Variants in CARS2 observed in about 807,000 individuals in gnomAD.
CARS2 encodes the protein probable cysteine--tRNA ligase, mitochondrial.
Under a neutral mutation model 68.8 loss-of-function variants are expected in CARS2, and 52 were observed. The ratio of observed to expected loss-of-function variants is 0.76; its 90% CI spans 0.61 to 0.95. CARS2 has a LOEUF of 0.95. CARS2 is among the 40% of genes least tolerant of loss of function. The probability of loss-of-function intolerance (pLI) is 0.00; values close to 1 mark genes in which losing one functional copy is unlikely to be tolerated. For missense variants in CARS2, 780 were observed against 754.2 expected (o/e 1.03, Z -0.40); for synonymous variants, 314 against 303.6 (o/e 1.03, Z -0.36).
chr13:110,692,039 T>TAC (rs2063481107), intron 3 of CARS2, among the ~76,000 whole-genome samples: 1 of 134,894 alleles, frequency 7.4e-6, no homozygotes, highest in African/African-American at 2.8e-5. Context: ...CACACACATA[T>TAC]ATATATATAC....
chr13:110,696,400 G>A (rs1043246237), intron 3 of CARS2, among the ~76,000 whole-genome samples: 9 of 152,190 alleles, frequency 5.9e-5, no homozygotes, highest in African/African-American at 2.2e-4. Flanking sequence ...GTGTAAAAGC[G>A]TTCCTATTTC....
chr13:110,642,377 G>T lies in CARS2; in HGVS notation c.1561C>A (p.Pro521Thr), dbSNP rs767008467. The T allele has an allele frequency of 1.3e-6, 2 of 1,561,614 alleles. No individual in the cohort carries two copies. The highest frequency in any genetic ancestry group is 1.7e-6 in the Non-Finnish European group (2 of 1,152,628). The change falls in exon 14 of 15, where the codon CCC becomes ACC. Residue 521 changes from proline to threonine, a missense_variant. Transcript: ENST00000257347. ...ARRQQLLERQ[P>T]LLEACDTLRR... ...AGGGTGTCGCATGCTTCCAGCAGGG[G>T]CTGCCTTTCTAGGAGCTGCTGCCGC... is the stretch of plus-strand genomic sequence containing the variant.
chr13:110,676,363 A>T lies in CARS2; in HGVS notation c.785+611T>A, dbSNP rs1012469848. ...GCTCTACTGAGAGGCAGAAACCAGGACAGAGAGGGTGTTTCCAGAGTAGGG... is the reference window on the plus strand; with the variant it reads ...GCTCTACTGAGAGGCAGAAACCAGGTCAGAGAGGGTGTTTCCAGAGTAGGG... On this transcript the variant is annotated intron_variant, in intron 7 of 14. Transcript: ENST00000257347. This position sits in a 1 kb window ranked among gnomAD's most constrained non-coding sequence, Gnocchi z 4.0. 2.6e-5 allele frequency among the ~76,000 whole-genome samples: 4 copies of T among 152,170 alleles called. No homozygotes were observed. Among genetic ancestry groups the T allele is most frequent in the Non-Finnish European group, 4.4e-5 (3 of 68,028 alleles).
chr13:110,665,675 C>T lies in CARS2; in HGVS notation c.919+1665G>A, dbSNP rs867476973. 15 of 985,240 alleles carry T rather than the reference C, an allele frequency of 1.5e-5. No individual in the cohort carries two copies. In the African/African-American group the frequency reaches 1.9e-4, roughly 13 times the overall value. 61.0% of individuals were successfully genotyped at this position (985,240 alleles called of 1,614,324 possible). ...AAACCTGCAGACAGAAACGTGCCTG[C>T]GGAGGGAGCAACTCCAGCTCCTCAG... On this transcript the variant is annotated intron_variant, in intron 8 of 14. Transcript: ENST00000257347. This position sits in a 1 kb window ranked among gnomAD's most constrained non-coding sequence, Gnocchi z 4.3.
chr13:110,706,103 C>G lies in CARS2; in HGVS notation c.-10G>C. 7.6e-7 allele frequency: 1 copy of G among 1,310,186 alleles called. No homozygotes were observed. The highest frequency in any genetic ancestry group is 9.7e-7 in the Non-Finnish European group (1 of 1,034,140). The allele number at this position is 1,310,186 out of a possible 1,614,324, so 81.2% of individuals were successfully genotyped here. Reference sequence around the variant, plus strand: ...GCGTAGTCCTCAACATGTCAGCGGCCAGCGCCTACGACTGGGCGGAGACGG... The same window carrying G: ...GCGTAGTCCTCAACATGTCAGCGGCGAGCGCCTACGACTGGGCGGAGACGG... On this transcript the variant is annotated 5_prime_UTR_variant, in exon 1 of 15. Transcript: ENST00000257347.
intron 9 of CARS2, among the ~76,000 whole-genome samples, chr13:110,652,119 C>A (rs557863787): frequency 6.6e-6 from 1 of 152,278 alleles, no homozygotes; most frequent in African/African-American, 2.4e-5. Context: ...AGGAAGCTGT[C>A]GCTGACCTTG....
At chr13:110,648,086 A>G (rs1241341628) in intron 10 of CARS2, among the ~76,000 whole-genome samples, 7 of 152,200 alleles carry the variant, frequency 4.6e-5, no homozygotes, top group African/African-American at 1.7e-4. Context: ...GAATTCCAAA[A>G]TCAGACATGG....
intron 8 of CARS2, chr13:110,664,175 C>T (rs1388255442): frequency 1.0e-6 from 1 of 985,270 alleles, no homozygotes; most frequent in Non-Finnish European, 1.2e-6. Context: ...CTGTTTCTAA[C>T]AGAAGACTCT....
At chr13:110,693,728 C>T (rs1248235315) in intron 3 of CARS2, among the ~76,000 whole-genome samples, 10 of 152,154 alleles carry the variant, frequency 6.6e-5, no homozygotes, top group East Asian at 3.9e-4. Context: ...TTCCTCATAC[C>T]GGGGTAGTGC....
intron 3 of CARS2, among the ~76,000 whole-genome samples, chr13:110,691,653 C>T (rs2063462751): frequency 6.6e-6 from 1 of 152,130 alleles, no homozygotes; most frequent in Non-Finnish European, 1.5e-5. Context: ...TACCTCCCAC[C>T]CCTACTGATT....
In CARS2 at chr13:110,713,200, T is replaced by A. The variant is rs141699050; in HGVS notation, n.336A>T. 1,146 of 1,423,290 alleles carry A rather than the reference T, an allele frequency of 8.1e-4. 14 individuals are homozygous for A. The African/African-American group carries it at 0.015, about 18-fold the overall frequency. 88.2% of individuals were successfully genotyped at this position (1,423,290 alleles called of 1,614,324 possible). A position where few individuals can be genotyped will look rare whatever the true frequency, so the allele number is the denominator to read the frequency against. On this transcript the variant is annotated non_coding_transcript_exon_variant, in exon 1 of 3. Coordinates refer to the CARS2 transcript ENST00000485188. Reference sequence around the variant, plus strand: ...AAGTGATGTTGGCAAGTAGATTGGCTACTGCGGTTGCCAGTTCTGTTTCGG... The same window carrying A: ...AAGTGATGTTGGCAAGTAGATTGGCAACTGCGGTTGCCAGTTCTGTTTCGG...
chr13:110,677,569 C>G (rs578130793), intron 6 of CARS2, among the ~76,000 whole-genome samples: 12 of 99,002 alleles, frequency 1.2e-4, no homozygotes, highest in African/African-American at 4.7e-4. Context: ...GAAACCCAGA[C>G]AGTCACCCCC....
intron 3 of CARS2, chr13:110,688,751 A>G (rs2063377572): frequency 6.5e-6 from 1 of 152,764 alleles, no homozygotes; most frequent in African/African-American, 2.4e-5. Context: ...CTCTACTTAA[A>G]ATACAAAAGT....
chr13:110,670,027 G>A lies in CARS2; in HGVS notation c.786-2554C>T, dbSNP rs1305594686. On this transcript the variant is annotated intron_variant, in intron 7 of 14. Transcript: ENST00000257347. This position sits in a 1 kb window ranked among gnomAD's most constrained non-coding sequence, Gnocchi z 4.1. ...GGCTGGGGGAGGGGCATCTGCCATT[G>A]CTGAGGCTTGAGTAGGTAAACAAAG... Among the ~76,000 whole-genome samples, 3 of 152,236 alleles carry A rather than the reference G, an allele frequency of 2.0e-5. No individual in the cohort carries two copies. The highest frequency in any genetic ancestry group is 4.4e-5 in the Non-Finnish European group (3 of 68,044).
chr13:110,662,290 CTCT>C (rs1566673274), intron 9 of CARS2, among the ~76,000 whole-genome samples: 1 of 150,612 alleles, frequency 6.6e-6, no homozygotes, highest in Non-Finnish European at 1.5e-5. Context: ...TCCGACCCCC[CTCT>C]GCGTCATGCA....
upstream of CARS2, among the ~76,000 whole-genome samples, chr13:110,709,089 T>C (rs1293553794): frequency 2.8e-5 from 4 of 141,584 alleles, no homozygotes; most frequent in African/African-American, 9.4e-5. Flanking sequence ...TTTCTTTTTT[T>C]TTTTTTTGAG....
chr13:110,665,372 G>A lies in CARS2; in HGVS notation c.920-1854C>T. 1 of 860,652 alleles carries A rather than the reference G, an allele frequency of 1.2e-6. No individual in the cohort carries two copies. Among genetic ancestry groups the A allele is most frequent in the Non-Finnish European group, 1.4e-6 (1 of 715,978 alleles). The allele number at this position is 860,652 out of a possible 1,614,324, so 53.3% of individuals were successfully genotyped here. A position where few individuals can be genotyped will look rare whatever the true frequency, so the allele number is the denominator to read the frequency against. On this transcript the variant is annotated intron_variant, in intron 8 of 14. Transcript: ENST00000257347. This position sits in a 1 kb window ranked among gnomAD's most constrained non-coding sequence, Gnocchi z 4.3. ...GAGGCAGGAGAATTGCTTGAACCCA[G>A]GAGGCAGAGGTTGCGGTGAGCTCAG...
At chr13:110,667,269 A>T in intron 8 of CARS2, 71 bp downstream of exon 8, 1 of 1,367,900 alleles carries the variant, frequency 7.3e-7, no homozygotes, top group Non-Finnish European at 1.0e-6. Context: ...TTCCAAATGT[A>T]GCTGTTCCGC....
At chr13:110,691,928 C>G (rs1369881052) in intron 3 of CARS2, among the ~76,000 whole-genome samples, 1 of 144,452 alleles carries the variant, frequency 6.9e-6, no homozygotes, top group African/African-American at 2.6e-5. Context: ...GCAAACTGCA[C>G]CTTCCTGAAT....
Sources: gnomAD v4.1 joint callset for allele counts (sites outside exome capture counted in the v4.1 genomes callset) on GRCh38, gnomAD v4.1.1 for gene constraint, Gnocchi (gnomAD v3.1) non-coding constraint, MANE v1.5 for transcripts, NCBI Gene and HGNC (gene_info 2026-07-23, HGNC 2026-07-21) for gene names.